Variants in ANO7 observed in about 807,000 individuals in gnomAD.
The protein encoded by ANO7 is anoctamin 7.
A neutral mutation model predicts 115.8 loss-of-function variants in ANO7; 114 were observed. The ratio of observed to expected loss-of-function variants is 0.98; its 90% CI spans 0.85 to 1.15. The LOEUF (loss-of-function observed/expected upper bound fraction) is 1.15. Ranked by LOEUF, ANO7 falls within the 50% of genes most tolerant of loss-of-function variation. The pLI, the probability that ANO7 is intolerant of heterozygous loss-of-function variation, is 0.00. For synonymous variants in ANO7, 550 were observed against 498.2 expected (o/e 1.10, Z -1.38); for missense variants, 1,302 against 1,201.2 (o/e 1.08, Z -1.24).
chr2:241,224,029 G>C (rs960282034), intron 24 of ANO7, 68 bp from the exon 25 acceptor site: 3 of 1,613,222 alleles, frequency 1.9e-6, no homozygotes, highest in Non-Finnish European at 8.5e-7. Context: ...GCCGCCCACT[G>C]TGCCTCGTGG....
In ANO7 at chr2:241,218,378, G is replaced by T; in HGVS notation, c.2318G>T (p.Cys773Phe). The T allele has an allele frequency of 7.0e-7, 1 of 1,434,656 alleles. No homozygotes were observed. Among genetic ancestry groups the T allele is most frequent in the South Asian group, 1.4e-5 (1 of 73,366 alleles). 88.9% of individuals were successfully genotyped at this position (1,434,656 alleles called of 1,614,324 possible). A position where few individuals can be genotyped will look rare whatever the true frequency, so the allele number is the denominator to read the frequency against. Residue 773 changes from cysteine (C) to phenylalanine (F), a missense_variant, in exon 21 of 25, where the codon TGC becomes TTC. Transcript: ENST00000674324. Reference protein sequence around the residue: ...SSFAAAHNRTCRYRAFRDDDG... With the variant: ...SSFAAAHNRTFRYRAFRDDDG... ...TTCGCCGCCGCGCACAACCGCACGT[G>T]CAGGTGAGCCCCGCGCCAGGTGGAG...
intron 3 of ANO7, 36 bp from the exon 4 acceptor site, chr2:241,195,667 A>G: frequency 6.2e-7 from 1 of 1,603,640 alleles, no homozygotes; most frequent in African/African-American, 1.3e-5. Flanking sequence ...ACTGCCACTT[A>G]GCCAGGCTCC....
At position 241,216,244 on chromosome 2, in the gene ANO7, A is replaced by T. The variant is rs1462678322; in HGVS notation, c.1972+6A>T. On this transcript the variant is annotated splice_donor_region_variant and intron_variant, in intron 19 of 24. Coordinates refer to ENST00000674324, the MANE Select transcript of ANO7 (RefSeq NM_001370694.2). ...TGACGAGTACCTGGAAATGGGTAGG[A>T]GCCCGTTAGCAGCTGCGGCAATGGC... 1 of 1,584,850 alleles carries T rather than the reference A, an allele frequency of 6.3e-7. No individual in the cohort carries two copies. The highest frequency in any genetic ancestry group is 1.9e-5 in the Admixed American group (1 of 53,598).
intron 3 of ANO7, 108 bp from the exon 4 acceptor site, chr2:241,195,595 C>A: frequency 9.2e-7 from 1 of 1,090,956 alleles, no homozygotes; most frequent in Non-Finnish European, 1.3e-6. Context: ...CCTGAGTGTC[C>A]AAGTGCATGG....
rs1421729439 is a variant in ANO7 at position 241,207,585 on chromosome 2, G to A, written c.992G>A (p.Cys331Tyr). The change falls in exon 11 of 25, where the codon TGT (cysteine) becomes TAT (tyrosine). Residue 331 changes from cysteine to tyrosine, a missense_variant. By Grantham distance (194) the Cys-to-Tyr change is radical (BLOSUM62 -2). Transcript: ENST00000674324. ...VFSDIPTQEL[C>Y]GSKDSFEMCP... is the part of the protein sequence containing the mutation. ...TCCATGCCTTGCAGGCAGGAACTGT[G>A]TGGCAGCAAGGACAGCTTCGAGATG... is the stretch of plus-strand genomic sequence containing the variant. 6.2e-7 allele frequency: 1 copy of A among 1,613,574 alleles called. No homozygotes were observed.
At chr2:241,232,027 A>C in the ANO7 span, among the ~76,000 whole-genome samples, 1 of 152,190 alleles carries the variant, frequency 6.6e-6, no homozygotes, top group Non-Finnish European at 1.5e-5. Flanking sequence ...TAACCTAGAG[A>C]CAACAGAGCA....
intron 19 of ANO7, among the ~76,000 whole-genome samples, chr2:241,217,011 T>G (rs1292396808): frequency 6.6e-6 from 1 of 152,098 alleles, no homozygotes; most frequent in Non-Finnish European, 1.5e-5. Flanking sequence ...TTTTGTATTT[T>G]TAGTAGAGGC....
chr2:241,218,545 G>A (rs1218336234), intron 21 of ANO7, among the ~76,000 whole-genome samples, 164 bp downstream of exon 21: 1 of 152,102 alleles, frequency 6.6e-6, no homozygotes, highest in Non-Finnish European at 1.5e-5. Context: ...AGGGGCTGGG[G>A]GGAGGTTCCC....
chr2:241,234,040 T>A, the ANO7 span: 4 of 1,534,374 alleles, frequency 2.6e-6, no homozygotes, highest in Non-Finnish European at 3.6e-6. Context: ...TCCACCCTGG[T>A]CATAGGACAC....
At chr2:241,212,281 C>CA in intron 16 of ANO7, 76 bp downstream of exon 16, 1 of 1,393,384 alleles carries the variant, frequency 7.2e-7, no homozygotes, top group Non-Finnish European at 1.0e-6. Flanking sequence ...GCCTGGGTAC[C>CA]AGGCGTCATC....
chr2:241,189,364 G>A (rs1288932670), intron 1 of ANO7, among the ~76,000 whole-genome samples: 1 of 152,160 alleles, frequency 6.6e-6, no homozygotes, highest in East Asian at 1.9e-4. Flanking sequence ...ACACCCTCCG[G>A]TCATCGTCGC....
At chr2:241,226,182 A>T (rs1385989380), downstream of ANO7, among the ~76,000 whole-genome samples, 1 of 151,646 alleles carries the variant, frequency 6.6e-6, no homozygotes, top group East Asian at 1.9e-4. Context: ...CCTGCCTGTG[A>T]CCCTTTCCCA....
chr2:241,220,962 C>A (rs1269171980), intron 21 of ANO7, among the ~76,000 whole-genome samples: 1 of 149,376 alleles, frequency 6.7e-6, no homozygotes, highest in Admixed American at 6.7e-5. Flanking sequence ...CAGAATGAGA[C>A]GCTGTCTCAG....
At chr2:241,191,082 A>G (rs1469530640) in intron 2 of ANO7, 112 bp from the exon 3 acceptor site, 1 of 1,129,388 alleles carries the variant, frequency 8.9e-7, no homozygotes, top group South Asian at 1.4e-5. Flanking sequence ...GTTCTGGGGC[A>G]GGGCGGGGAC....
intron 16 of ANO7, 94 bp from the exon 17 acceptor site, chr2:241,212,478 G>A: frequency 7.3e-7 from 1 of 1,364,956 alleles, no homozygotes; most frequent in East Asian, 2.4e-5. Flanking sequence ...CTCCAGGGCA[G>A]GTGCAGCAGC....
intron 17 of ANO7, chr2:241,213,008 C>G (rs112305693): frequency 1.1e-4 from 26 of 234,414 alleles, no homozygotes; most frequent in African/African-American, 6.1e-4. Flanking sequence ...CCCTACCCCA[C>G]CCCAGCTGTC....
chr2:241,195,595 C>T, intron 3 of ANO7, 108 bp from the exon 4 acceptor site: 2 of 1,090,954 alleles, frequency 1.8e-6, no homozygotes, highest in South Asian at 2.9e-5. Flanking sequence ...CCTGAGTGTC[C>T]AAGTGCATGG....
At position 241,203,631 on chromosome 2, in the gene ANO7, C is replaced by T. The variant is rs962277990; in HGVS notation, c.889+133C>T. ...TGGACGGTGGGCGCAGCTCTTGGCT[C>T]GACCGGGCTGCCCTCCTGGCTCCCC... On this transcript the variant is annotated intron_variant, in intron 9 of 24. Transcript: ENST00000674324. This position sits in a 1 kb window ranked among gnomAD's most constrained non-coding sequence, Gnocchi z 4.8. 56 of 628,768 alleles carry T rather than the reference C, an allele frequency of 8.9e-5. No homozygotes were observed. The highest frequency in any genetic ancestry group is 3.7e-4 in the Middle Eastern group (1 of 2,720). 38.9% of individuals were successfully genotyped at this position (628,768 alleles called of 1,614,324 possible).
intron 20 of ANO7, 41 bp downstream of exon 20, chr2:241,217,932 C>A: frequency 1.4e-5 from 2 of 146,622 alleles, no homozygotes; most frequent in Non-Finnish European, 1.8e-5. Flanking sequence ...CGGGGGCGCG[C>A]AGGGGCGGGG....
Sources: allele counts gnomAD v4.1 joint callset (sites outside exome capture counted in the v4.1 genomes callset), GRCh38; gene constraint gnomAD v4.1.1; non-coding constraint Gnocchi (gnomAD v3.1); transcripts MANE v1.5; gene names NCBI Gene and HGNC (gene_info 2026-07-23, HGNC 2026-07-21).